Variants in SAMD12 observed in about 807,000 individuals in gnomAD.
SAMD12 encodes sterile alpha motif domain containing 12.
SAMD12 carries 9 observed loss-of-function variants against 15.0 expected under a neutral mutation model. That is an observed-to-expected ratio of 0.60 (90% CI 0.36 to 1.05). SAMD12 has a LOEUF of 1.05. Among genes scored for constraint, SAMD12 ranks in the 50% least tolerant of loss-of-function variants. SAMD12 has a pLI of 0.01. For synonymous variants in SAMD12, 86 were observed against 90.1 expected (o/e 0.96, Z 0.25); for missense variants, 230 against 234.2 (o/e 0.98, Z 0.12).
At chr8:118,552,209 G>T (rs557258562) in intron 2 of SAMD12, among the ~76,000 whole-genome samples, 58 of 152,210 alleles carry the variant, frequency 3.8e-4, no homozygotes, top group Middle Eastern at 3.4e-3. Context: ...CCAAAGCCGG[G>T]CAGAGACACA....
chr8:118,256,476 G>A (rs553192832), intron 4 of SAMD12, among the ~76,000 whole-genome samples: 58 of 151,982 alleles, frequency 3.8e-4, no homozygotes, highest in South Asian at 1.5e-3. Context: ...AATATAAGAA[G>A]AACTTTATCT....
chr8:118,173,199 T>C, the SAMD12 span, among the ~76,000 whole-genome samples: 1 of 152,232 alleles, frequency 6.6e-6, no homozygotes, highest in East Asian at 1.9e-4. Flanking sequence ...GCCTGAAATT[T>C]CTTTTTATTT....
intron 2 of SAMD12, among the ~76,000 whole-genome samples, chr8:118,565,445 G>A (rs979551095): frequency 6.6e-6 from 1 of 152,200 alleles, no homozygotes; most frequent in African/African-American, 2.4e-5. Context: ...AATCATCAAA[G>A]AAGTAGCACC....
chr8:118,429,800 A>G (rs1225869057), intron 3 of SAMD12, among the ~76,000 whole-genome samples: 1 of 152,172 alleles, frequency 6.6e-6, no homozygotes, highest in Non-Finnish European at 1.5e-5. Flanking sequence ...AGGCTGAGGA[A>G]GGAGAATCGC....
intron 2 of SAMD12, among the ~76,000 whole-genome samples, chr8:118,444,162 C>G (rs1822836194): frequency 6.6e-6 from 1 of 152,136 alleles, no homozygotes; most frequent in Non-Finnish European, 1.5e-5. Flanking sequence ...AGCATTTCAC[C>G]TTTACTAGAA....
chr8:118,493,904 A>G (rs780685191), intron 2 of SAMD12, among the ~76,000 whole-genome samples: 1 of 152,198 alleles, frequency 6.6e-6, no homozygotes, highest in African/African-American at 2.4e-5. Context: ...TCCTATGCCT[A>G]TAATAAAACC....
At chr8:118,459,716 T>C (rs960497307) in intron 2 of SAMD12, among the ~76,000 whole-genome samples, 3 of 152,224 alleles carry the variant, frequency 2.0e-5, no homozygotes, top group African/African-American at 7.2e-5. Context: ...ATGATGACAT[T>C]TTATTATCAG....
At position 118,531,717 on chromosome 8, in the gene SAMD12, G is replaced by T. The variant is rs533420621; in HGVS notation, c.192+48998C>A. ...GTGAATGGGATTTCACTCATGATTT[G>T]GCTCTCTGTTTGTCTGTTATTGGTG... is the stretch of plus-strand genomic sequence containing the variant. On this transcript the variant is annotated intron_variant, in intron 2 of 3. Coordinates refer to ENST00000314727, the MANE Select transcript of SAMD12 (RefSeq NM_207506.3). 5.3e-5 allele frequency among the ~76,000 whole-genome samples: 8 copies of T among 152,148 alleles called. No individual in the cohort carries two copies. The South Asian group carries it at 1.2e-3, about 24-fold the overall frequency.
chr8:118,456,227 A>G (rs1563871182), intron 2 of SAMD12, among the ~76,000 whole-genome samples: 1 of 152,198 alleles, frequency 6.6e-6, no homozygotes, highest in African/African-American at 2.4e-5. Context: ...AGGGTGAGTA[A>G]TGAAAGCTAG....
At position 118,378,561 on chromosome 8, in the gene SAMD12, T is replaced by G; in HGVS notation, c.*856A>C. On this transcript the variant is annotated 3_prime_UTR_variant, in exon 4 of 4. Coordinates refer to ENST00000314727, the MANE Select transcript of SAMD12 (RefSeq NM_207506.3). Reference sequence around the variant, plus strand: ...TTCCTCTAGGCAAATGGACTATTACTAGGTTAATCTAAATGCAATAACATG... The same window carrying G: ...TTCCTCTAGGCAAATGGACTATTACGAGGTTAATCTAAATGCAATAACATG... The G allele has an allele frequency of 1.0e-6, 1 of 985,116 alleles. No homozygotes were observed. Among genetic ancestry groups the G allele is most frequent in the Non-Finnish European group, 1.2e-6 (1 of 829,634 alleles). The allele number at this position is 985,116 out of a possible 1,614,324, so 61.0% of individuals were successfully genotyped here.
At chr8:118,603,772 C>T (rs770652882) in intron 1 of SAMD12, among the ~76,000 whole-genome samples, 7 of 151,940 alleles carry the variant, frequency 4.6e-5, no homozygotes, top group African/African-American at 1.5e-4. Context: ...ACGACCTATT[C>T]GGAACAAATA....
chr8:118,182,801 A>G, the SAMD12 span, among the ~76,000 whole-genome samples: 3 of 152,218 alleles, frequency 2.0e-5, no homozygotes, highest in Non-Finnish European at 4.4e-5. Flanking sequence ...CATATCATAC[A>G]TTAATACCAA....
At chr8:118,373,372 A>C (rs73325686), downstream of SAMD12, among the ~76,000 whole-genome samples, 7,808 of 152,150 alleles carry the variant, frequency 0.051, 630 homozygotes, top group African/African-American at 0.17. Flanking sequence ...CTTCTTTAAG[A>C]AAGGTGGTGG....
intron 4 of SAMD12, among the ~76,000 whole-genome samples, chr8:118,348,603 A>G (rs1352729543): frequency 3.3e-5 from 5 of 151,796 alleles, no homozygotes; most frequent in Non-Finnish European, 4.4e-5. Flanking sequence ...TGATCTCCTG[A>G]CATCGTGATC....
downstream of SAMD12, among the ~76,000 whole-genome samples, chr8:118,187,885 A>T (rs1819270805): frequency 6.6e-6 from 1 of 152,188 alleles, no homozygotes; most frequent in African/African-American, 2.4e-5. Context: ...ACATGGCACC[A>T]AGTTTAATTC....
At chr8:118,256,380 G>A (rs1359231853) in intron 4 of SAMD12, among the ~76,000 whole-genome samples, 1 of 152,094 alleles carries the variant, frequency 6.6e-6, no homozygotes, top group Non-Finnish European at 1.5e-5. Flanking sequence ...TCACACTGCT[G>A]TGAGAACATA....
At chr8:118,431,010 CATTTT>C (rs1822386986) in intron 3 of SAMD12, among the ~76,000 whole-genome samples, 1 of 152,096 alleles carries the variant, frequency 6.6e-6, no homozygotes, top group Admixed American at 6.5e-5. Context: ...GAGGCCATTT[CATTTT>C]ATCTTCTCAA....
intron 4 of SAMD12, among the ~76,000 whole-genome samples, chr8:118,271,562 A>G (rs1171081301): frequency 3.9e-5 from 6 of 152,188 alleles, no homozygotes; most frequent in Non-Finnish European, 8.8e-5. Flanking sequence ...AAGAAGTCCA[A>G]GTCCAAAATC....
chr8:118,580,959 A>G, intron 1 of SAMD12, 66 bp from the exon 2 acceptor site: 1 of 1,283,218 alleles, frequency 7.8e-7, no homozygotes, highest in Non-Finnish European at 1.1e-6. Flanking sequence ...ATGACAGAAA[A>G]TATTCATCAA....
Sources: allele counts gnomAD v4.1 joint callset (sites outside exome capture counted in the v4.1 genomes callset), GRCh38; gene constraint gnomAD v4.1.1; transcripts MANE v1.5; gene names NCBI Gene and HGNC (gene_info 2026-07-23, HGNC 2026-07-21).